The following CACNA2D3 variants were observed in gnomAD, a reference collection of about 807,000 sequenced individuals.
CACNA2D3 encodes the protein calcium voltage-gated channel auxiliary subunit alpha2delta 3.
A neutral mutation model predicts 160.6 loss-of-function variants in CACNA2D3; 60 were observed. That is an observed-to-expected ratio of 0.37 (90% CI 0.30 to 0.46). The LOEUF (loss-of-function observed/expected upper bound fraction) is 0.46. Among genes scored for constraint, CACNA2D3 ranks in the 20% least tolerant of loss-of-function variants. CACNA2D3 has a pLI of 1.00. For missense variants in CACNA2D3, 1,205 were observed against 1,365.0 expected (o/e 0.88, Z 1.85); for synonymous variants, 558 against 492.9 (o/e 1.13, Z -1.75).
intron 35 of CACNA2D3, among the ~76,000 whole-genome samples, chr3:55,054,561 T>A (rs1297691079): frequency 1.3e-5 from 2 of 150,180 alleles, no homozygotes; most frequent in African/African-American, 2.4e-5. Context: ...ATAGCCACTT[T>A]CTAAAGTTTA....
At chr3:54,161,242 A>G (rs1440966898) in intron 2 of CACNA2D3, among the ~76,000 whole-genome samples, 2 of 152,062 alleles carry the variant, frequency 1.3e-5, no homozygotes, top group Non-Finnish European at 2.9e-5. Flanking sequence ...CCCAAACCCA[A>G]CCCATCTCCA....
chr3:54,424,826 TTTCCTGCATTCTCCATA>T (rs984124897), intron 4 of CACNA2D3, among the ~76,000 whole-genome samples: 5 of 152,202 alleles, frequency 3.3e-5, no homozygotes, highest in African/African-American at 9.6e-5. Flanking sequence ...GCATCCCCAC[TTTCCTGCATTCTCCATA>T]TTCCTGCATC....
At chr3:55,002,657 A>C (rs2107134975) in intron 31 of CACNA2D3, among the ~76,000 whole-genome samples, 1 of 152,322 alleles carries the variant, frequency 6.6e-6, no homozygotes, top group Non-Finnish European at 1.5e-5. Flanking sequence ...CATCTGTGTA[A>C]GGAAAAAAGC....
At chr3:54,702,598 A>C (rs936248147) in intron 11 of CACNA2D3, among the ~76,000 whole-genome samples, 2 of 152,186 alleles carry the variant, frequency 1.3e-5, no homozygotes, top group Non-Finnish European at 2.9e-5. Flanking sequence ...AAAATAACAG[A>C]TGTTAGGTTG....
At chr3:54,596,784 G>A (rs967433144) in intron 9 of CACNA2D3, among the ~76,000 whole-genome samples, 1 of 152,016 alleles carries the variant, frequency 6.6e-6, no homozygotes, top group African/African-American at 2.4e-5. Flanking sequence ...TCTGGAACGC[G>A]CTGTTTCTCT....
intron 2 of CACNA2D3, among the ~76,000 whole-genome samples, chr3:54,200,096 G>A (rs1701151025): frequency 6.6e-6 from 1 of 152,232 alleles, no homozygotes; most frequent in Non-Finnish European, 1.5e-5. Context: ...TGTGGAATCG[G>A]AGGTATGTGG....
At chr3:54,576,222 T>A (rs1175038131) in intron 8 of CACNA2D3, among the ~76,000 whole-genome samples, 1 of 152,190 alleles carries the variant, frequency 6.6e-6, no homozygotes, top group Non-Finnish European at 1.5e-5. Context: ...GTTCAGCTTC[T>A]GACATTAGGT....
chr3:54,905,765 A>G (rs981428267), intron 27 of CACNA2D3, among the ~76,000 whole-genome samples: 4 of 152,156 alleles, frequency 2.6e-5, no homozygotes, highest in Non-Finnish European at 1.5e-5. Flanking sequence ...CCTCCACAAC[A>G]AAGAATTATG....
intron 2 of CACNA2D3, among the ~76,000 whole-genome samples, chr3:54,151,882 C>G: frequency 6.6e-6 from 1 of 152,216 alleles, no homozygotes; most frequent in East Asian, 1.9e-4. Flanking sequence ...CTCAGCCATC[C>G]TCTTTCCTGC....
intron 5 of CACNA2D3, among the ~76,000 whole-genome samples, chr3:54,544,534 G>A (rs1702030881): frequency 6.6e-6 from 1 of 152,094 alleles, no homozygotes; most frequent in South Asian, 2.1e-4. Flanking sequence ...CTCCCAAGTA[G>A]CTAGAAGTAT....
At chr3:54,882,546 C>CA (rs1383418161) in intron 21 of CACNA2D3, among the ~76,000 whole-genome samples, 1 of 152,170 alleles carries the variant, frequency 6.6e-6, no homozygotes, top group Non-Finnish European at 1.5e-5. Context: ...AACCACTGTG[C>CA]AAAAAATTAG....
intron 2 of CACNA2D3, among the ~76,000 whole-genome samples, chr3:54,239,825 TTAAAA>T (rs1484161871): frequency 6.6e-6 from 1 of 152,248 alleles, no homozygotes; most frequent in African/African-American, 2.4e-5. Context: ...TTACTCATCA[TTAAAA>T]TAGTTATAGT....
At chr3:54,463,986 A>T (rs967931350) in intron 4 of CACNA2D3, among the ~76,000 whole-genome samples, 2 of 152,046 alleles carry the variant, frequency 1.3e-5, no homozygotes, top group African/African-American at 2.4e-5. Context: ...TTTTCCTTCT[A>T]CCATACAGGA....
At chr3:54,400,210 A>C (rs918044302) in intron 4 of CACNA2D3, among the ~76,000 whole-genome samples, 4 of 148,046 alleles carry the variant, frequency 2.7e-5, no homozygotes, top group African/African-American at 1.0e-4. Flanking sequence ...GGCACTCCCT[A>C]GTGAGATGAA....
At chr3:54,303,214 T>C (rs551028965) in intron 2 of CACNA2D3, among the ~76,000 whole-genome samples, 78 of 152,296 alleles carry the variant, frequency 5.1e-4, no homozygotes, top group African/African-American at 1.7e-3. Context: ...ATTGCTTTTC[T>C]TCTCTGGAGT....
chr3:54,974,600 C>A (rs1298115234), intron 29 of CACNA2D3, among the ~76,000 whole-genome samples: 1 of 152,202 alleles, frequency 6.6e-6, no homozygotes, highest in African/African-American at 2.4e-5. Context: ...TGATCCACCT[C>A]TGTGACTAAG....
intron 14 of CACNA2D3, among the ~76,000 whole-genome samples, chr3:54,821,538 G>A (rs1703590833): frequency 6.6e-6 from 1 of 152,086 alleles, no homozygotes; most frequent in Admixed American, 6.6e-5. Context: ...TTCTCCCCCT[G>A]AGTGCAAACG....
intron 11 of CACNA2D3, among the ~76,000 whole-genome samples, chr3:54,741,816 T>C (rs1276789603): frequency 1.3e-5 from 2 of 151,994 alleles, no homozygotes; most frequent in Non-Finnish European, 2.9e-5. Flanking sequence ...TTGTTCCTAT[T>C]TTTTTAGGAG....
At chr3:54,953,312 T>C (rs1343788205) in intron 27 of CACNA2D3, among the ~76,000 whole-genome samples, 1 of 152,138 alleles carries the variant, frequency 6.6e-6, no homozygotes. Flanking sequence ...CCTAAGTTTG[T>C]CTGAAATTTT....
Sources: allele counts gnomAD v4.1 joint callset (sites outside exome capture counted in the v4.1 genomes callset), GRCh38; gene constraint gnomAD v4.1.1; transcripts MANE v1.5; gene names NCBI Gene and HGNC (gene_info 2026-07-23, HGNC 2026-07-21).